Variants in NHSL1 observed in about 807,000 individuals in gnomAD.
The protein encoded by NHSL1 is NHS-like protein 1.
In NHSL1, 48 loss-of-function variants were observed where a neutral mutation model predicts 95.0. That is an observed-to-expected ratio of 0.51 (90% confidence interval 0.40 to 0.64). The LOEUF is 0.64. Ranked by LOEUF, NHSL1 falls within the 30% of genes least tolerant of loss-of-function variation. The pLI is 0.00. For synonymous variants in NHSL1, 783 were observed against 833.9 expected (o/e 0.94, Z 1.05); for missense variants, 1,971 against 2,077.7 (o/e 0.95, Z 1.00).
intron 3 of NHSL1, among the ~76,000 whole-genome samples, chr6:138,452,159 A>C (rs1777279911): frequency 6.6e-6 from 1 of 152,222 alleles, no homozygotes; most frequent in African/African-American, 2.4e-5. Flanking sequence ...ATGGAGAGTC[A>C]CAAATGAAAC....
intron 1 of NHSL1, chr6:138,691,770 C>A: frequency 2.6e-6 from 1 of 389,362 alleles, no homozygotes; most frequent in Admixed American, 3.2e-5. Flanking sequence ...GGAGAGATCA[C>A]TATATCAGGA....
At chr6:138,580,326 T>C (rs1784034012) in intron 1 of NHSL1, among the ~76,000 whole-genome samples, 2 of 152,166 alleles carry the variant, frequency 1.3e-5, no homozygotes, top group Admixed American at 6.5e-5. Context: ...ATATGCACAG[T>C]TACTTTCAAC....
At chr6:138,581,858 A>AG (rs1784062205) in intron 1 of NHSL1, among the ~76,000 whole-genome samples, 1 of 150,516 alleles carries the variant, frequency 6.6e-6, no homozygotes, top group Non-Finnish European at 1.5e-5. Flanking sequence ...GCTCTGAATG[A>AG]GGAAAAAAAA....
intron 3 of NHSL1, among the ~76,000 whole-genome samples, chr6:138,463,636 T>C (rs749844259): frequency 6.6e-6 from 1 of 151,898 alleles, no homozygotes; most frequent in Non-Finnish European, 1.5e-5. Flanking sequence ...CAACCCGTCG[T>C]CTAGGTTTTA....
At chr6:138,620,876 A>C (rs1236583275) in intron 1 of NHSL1, among the ~76,000 whole-genome samples, 1 of 152,224 alleles carries the variant, frequency 6.6e-6, no homozygotes. Flanking sequence ...GTCTTCAAAC[A>C]TCATGCCACA....
chr6:138,597,816 T>C (rs1432062189), intron 1 of NHSL1, among the ~76,000 whole-genome samples: 1 of 152,202 alleles, frequency 6.6e-6, no homozygotes, highest in Non-Finnish European at 1.5e-5. Context: ...CATGAATAGA[T>C]GTATTATATT....
intron 1 of NHSL1, among the ~76,000 whole-genome samples, chr6:138,545,253 C>T (rs530021501): frequency 4.5e-4 from 68 of 152,198 alleles, no homozygotes; most frequent in African/African-American, 1.5e-3. Context: ...CCTTCTAACC[C>T]TTACATGAAC....
intron 1 of NHSL1, among the ~76,000 whole-genome samples, chr6:138,585,915 G>A (rs1784128401): frequency 6.6e-6 from 1 of 151,826 alleles, no homozygotes; most frequent in African/African-American, 2.4e-5. Context: ...GCTGGGTGTG[G>A]TGGTGAATGC....
chr6:138,512,398 T>C, intron 1 of NHSL1: 1 of 437,320 alleles, frequency 2.3e-6, no homozygotes, highest in Non-Finnish European at 4.5e-6. Flanking sequence ...TGTCCCATGT[T>C]AAAATAGGAT....
chr6:138,499,263 T>C lies in NHSL1; in HGVS notation c.28A>G (p.Lys10Glu). Residue 10 changes from lysine to glutamate, a missense_variant, in exon 1 of 8, where the codon AAG becomes GAG. Lys to Glu is a moderately conservative substitution (Grantham distance 56, BLOSUM62 1). Coordinates refer to ENST00000343505, the MANE Select transcript of NHSL1 (RefSeq NM_001144060.2). ...TTCTTAAAAAGTTTAATTAAAGACT[T>C]AATCTTTGCATTAATGAAGACCACC... MVVFINAKI[K>E]SLIKLFKKKT... The C allele has an allele frequency of 6.4e-7, 1 of 1,550,540 alleles. No homozygotes were observed. The highest frequency in any genetic ancestry group is 8.7e-7 in the Non-Finnish European group (1 of 1,146,132).
At chr6:138,466,055 G>A (rs1157820694) in intron 3 of NHSL1, among the ~76,000 whole-genome samples, 3 of 134,532 alleles carry the variant, frequency 2.2e-5, no homozygotes, top group Non-Finnish European at 3.1e-5. Flanking sequence ...GGGGGGGCAG[G>A]GGGGAACAGA....
chr6:138,692,009 C>G lies in NHSL1; in HGVS notation c.96+467G>C, dbSNP rs1442467647. The G allele has an allele frequency of 2.2e-6, 1 of 456,698 alleles. No homozygotes were observed. Among genetic ancestry groups the G allele is most frequent in the Non-Finnish European group, 4.4e-6 (1 of 226,978 alleles). The allele number at this position is 456,698 out of a possible 1,614,324, so 28.3% of individuals were successfully genotyped here. On this transcript the variant is annotated intron_variant, in intron 1 of 3. Transcript: ENST00000491526. The surrounding 1 kb of genome is among the most constrained non-coding windows in gnomAD (Gnocchi z 4.0). The stretch of plus-strand genomic sequence containing the variant: ...AGAGGTGGCAAGCAGCCCCAACGCT[C>G]GCCGAGATCCCCAGGGTTTTACAAA...
chr6:138,624,476 T>C lies in NHSL1; in HGVS notation c.96+68000A>G, dbSNP rs116801847. Among the ~76,000 whole-genome samples, 378 of 152,150 alleles carry C rather than the reference T, an allele frequency of 2.5e-3. 2 individuals are homozygous for C. The highest frequency in any genetic ancestry group is 7.1e-3 in the African/African-American group (293 of 41,498). ...GTCTGGTACTCTACCTGGAGCTACA[T>C]AGAGAATTGAGAATAATTCATTCAC... On this transcript the variant is annotated intron_variant, in intron 1 of 3. Transcript: ENST00000491526.
intron 2 of NHSL1, among the ~76,000 whole-genome samples, chr6:138,475,999 T>C (rs1045553252): frequency 6.6e-6 from 1 of 152,088 alleles, no homozygotes; most frequent in Admixed American, 6.6e-5. Context: ...AAGCAACAGA[T>C]GTTGGCATGG....
upstream of NHSL1, among the ~76,000 whole-genome samples, chr6:138,500,795 T>A (rs982006039): frequency 6.6e-6 from 1 of 152,200 alleles, no homozygotes; most frequent in Non-Finnish European, 1.5e-5. Context: ...ATGCCCTTTA[T>A]TTTTTCAACA....
In NHSL1 at chr6:138,424,609, G is replaced by A. The variant is rs1272777950; in HGVS notation, c.4293C>T (p.Asp1431=). 2 of 1,551,540 alleles carry A rather than the reference G, an allele frequency of 1.3e-6. No individual in the cohort carries two copies. Among genetic ancestry groups the A allele is most frequent in the African/African-American group, 1.4e-5 (1 of 73,040 alleles). ...CTGCTGCAGACATGCGGGCGCTGGT[G>A]TCTGAACGACTGCCCTTTTTCAGCA... ...ALLLKKGSRS[D]TSARMSAAEM... is the part of the protein sequence containing the mutation. The change falls in exon 8 of 8, where the codon GAC becomes GAT. Residue 1431 remains aspartate (D), a synonymous_variant. Transcript: ENST00000343505. This position sits in a 1 kb window ranked among gnomAD's most constrained non-coding sequence, Gnocchi z 5.9.
At chr6:138,578,984 A>G (rs1364389887) in intron 1 of NHSL1, among the ~76,000 whole-genome samples, 1 of 152,288 alleles carries the variant, frequency 6.6e-6, no homozygotes, top group East Asian at 1.9e-4. Flanking sequence ...ACAGCAGGGT[A>G]GGGAGTGGTT....
chr6:138,647,992 T>C (rs1367111431), intron 1 of NHSL1, among the ~76,000 whole-genome samples: 2 of 152,244 alleles, frequency 1.3e-5, no homozygotes, highest in Non-Finnish European at 2.9e-5. Context: ...AGTTATGGTA[T>C]GGAAGCTTGC....
rs1178801787 is a variant in NHSL1 at position 138,424,621 on chromosome 6, G to T, written c.4281C>A (p.Gly1427=). 3.2e-6 allele frequency: 5 copies of T among 1,551,626 alleles called. No homozygotes were observed. Among genetic ancestry groups the T allele is most frequent in the Non-Finnish European group, 2.6e-6 (3 of 1,146,970 alleles). ...DNFKALLLKK[G]SRSDTSARMS... is the part of the protein sequence containing the mutation. Reference sequence around the variant, plus strand: ...TGCGGGCGCTGGTGTCTGAACGACTGCCCTTTTTCAGCAGCAGAGCTTTGA... The same window carrying T: ...TGCGGGCGCTGGTGTCTGAACGACTTCCCTTTTTCAGCAGCAGAGCTTTGA... Residue 1427 remains glycine (G), a synonymous_variant, in exon 8 of 8, where the codon GGC becomes GGA. Coordinates refer to ENST00000343505, the MANE Select transcript of NHSL1 (RefSeq NM_001144060.2). This position sits in a 1 kb window ranked among gnomAD's most constrained non-coding sequence, Gnocchi z 5.9.
Sources: gnomAD v4.1 joint callset for allele counts (sites outside exome capture counted in the v4.1 genomes callset) on GRCh38, gnomAD v4.1.1 for gene constraint, Gnocchi (gnomAD v3.1) non-coding constraint, MANE v1.5 for transcripts, NCBI Gene and HGNC (gene_info 2026-07-23, HGNC 2026-07-21) for gene names.